The following TRPM3 variants were observed in gnomAD, a reference collection of about 807,000 sequenced individuals.
The protein encoded by TRPM3 is long transient receptor potential channel 3.
A neutral mutation model predicts 181.2 loss-of-function variants in TRPM3; 77 were observed. That is an observed-to-expected ratio of 0.42 (90% CI 0.35 to 0.51). The LOEUF (loss-of-function observed/expected upper bound fraction) is 0.51. TRPM3 is among the 20% of genes least tolerant of loss of function. The pLI is 0.01. For missense variants in TRPM3, 1,759 were observed against 2,196.7 expected, an observed-to-expected ratio of 0.80 and a Z score of 3.98; for synonymous variants, 745 against 796.4, an observed-to-expected ratio of 0.94 and a Z score of 1.09.
intron 22 of TRPM3, among the ~76,000 whole-genome samples, chr9:70,572,307 A>G (rs564955537): frequency 6.6e-6 from 1 of 152,320 alleles, no homozygotes; most frequent in African/African-American, 2.4e-5. Flanking sequence ...CCTGTTCTGT[A>G]TATTCTTTAC....
intron 1 of TRPM3, among the ~76,000 whole-genome samples, chr9:71,416,257 G>A (rs988965156): frequency 6.6e-6 from 1 of 151,654 alleles, no homozygotes; most frequent in Non-Finnish European, 1.5e-5. Flanking sequence ...ACGTTAGTAT[G>A]TTTTTCCTTA....
At chr9:70,581,916 TTCCTTCCC>T (rs1331898895) in intron 22 of TRPM3, among the ~76,000 whole-genome samples, 1 of 140,014 alleles carries the variant, frequency 7.1e-6, no homozygotes, top group Non-Finnish European at 1.6e-5. Flanking sequence ...CCCTTCTTCA[TTCCTTCCC>T]TCCTTCCCTC....
At chr9:70,889,063 C>T (rs933723390) in intron 1 of TRPM3, among the ~76,000 whole-genome samples, 9 of 152,034 alleles carry the variant, frequency 5.9e-5, no homozygotes, top group East Asian at 5.8e-4. Context: ...GTTCAAAGCT[C>T]GGGAACTGGA....
intron 21 of TRPM3, among the ~76,000 whole-genome samples, chr9:70,594,640 C>T (rs1417010298): frequency 1.3e-5 from 2 of 152,152 alleles, no homozygotes; most frequent in African/African-American, 2.4e-5. Context: ...GATATGCAGG[C>T]TTTCCATGCT....
At chr9:70,752,043 TGTGTGTGCGCGC>T (rs767684333) in intron 8 of TRPM3, among the ~76,000 whole-genome samples, 40 of 112,152 alleles carry the variant, frequency 3.6e-4, no homozygotes, top group South Asian at 1.2e-3. Flanking sequence ...TGTGTGTGTG[TGTGTGTGCGCGC>T]GCGCGCGCAT....
chr9:71,001,048 C>T (rs961166631), intron 1 of TRPM3, among the ~76,000 whole-genome samples: 6 of 152,198 alleles, frequency 3.9e-5, no homozygotes, highest in Admixed American at 1.3e-4. Flanking sequence ...TCAGTACTAA[C>T]GAATTGTCTT....
At chr9:71,278,812 T>C (rs1410714847) in intron 1 of TRPM3, among the ~76,000 whole-genome samples, 1 of 152,038 alleles carries the variant, frequency 6.6e-6, no homozygotes, top group Non-Finnish European at 1.5e-5. Context: ...GAGATATCCA[T>C]ATGTAACACA....
chr9:71,185,088 AGT>A (rs1440751748), intron 1 of TRPM3, among the ~76,000 whole-genome samples: 1 of 152,058 alleles, frequency 6.6e-6, no homozygotes, highest in Non-Finnish European at 1.5e-5. Context: ...AGAGAAACCA[AGT>A]GTCTTTTCAA....
chr9:71,010,730 A>G (rs1386875791), intron 1 of TRPM3, among the ~76,000 whole-genome samples: 1 of 152,154 alleles, frequency 6.6e-6, no homozygotes. Flanking sequence ...TTCCACAAAA[A>G]ATTAAAAATA....
chr9:70,920,745 T>C (rs949320648), intron 1 of TRPM3, among the ~76,000 whole-genome samples: 4 of 152,206 alleles, frequency 2.6e-5, no homozygotes, highest in African/African-American at 7.2e-5. Flanking sequence ...CAAAAGAAGA[T>C]AGTACTTTAA....
intron 1 of TRPM3, among the ~76,000 whole-genome samples, chr9:71,311,466 T>G (rs1365789255): frequency 6.6e-6 from 1 of 152,122 alleles, no homozygotes; most frequent in Non-Finnish European, 1.5e-5. Context: ...CACATCAATA[T>G]AGTCAGCTGA....
chr9:70,967,403 A>C (rs199885117), intron 1 of TRPM3, among the ~76,000 whole-genome samples: 1 of 151,692 alleles, frequency 6.6e-6, no homozygotes, highest in Non-Finnish European at 1.5e-5. Flanking sequence ...TTTTTTTTTA[A>C]ATTTTTTAAA....
intron 1 of TRPM3, among the ~76,000 whole-genome samples, chr9:71,067,979 T>G (rs906815666): frequency 6.6e-6 from 1 of 152,186 alleles, no homozygotes; most frequent in Non-Finnish European, 1.5e-5. Flanking sequence ...GATGCAACAC[T>G]TTGTTCATGA....
chr9:71,329,505 G>A (rs1418325273), intron 1 of TRPM3, among the ~76,000 whole-genome samples: 1 of 152,182 alleles, frequency 6.6e-6, no homozygotes, highest in Non-Finnish European at 1.5e-5. Context: ...AGATGCTGCA[G>A]CAACTAAAGG....
At chr9:71,200,803 C>G (rs2078733210) in intron 1 of TRPM3, among the ~76,000 whole-genome samples, 1 of 152,032 alleles carries the variant, frequency 6.6e-6, no homozygotes, top group African/African-American at 2.4e-5. Flanking sequence ...ATACAGCACA[C>G]TGATGGGTCT....
chr9:71,143,692 T>G (rs541579320), intron 1 of TRPM3, among the ~76,000 whole-genome samples: 22 of 152,312 alleles, frequency 1.4e-4, no homozygotes, highest in African/African-American at 5.3e-4. Context: ...TATATCCCTT[T>G]GGGTATATAC....
chr9:71,401,966 A>T (rs570299113), intron 1 of TRPM3, among the ~76,000 whole-genome samples: 2 of 152,344 alleles, frequency 1.3e-5, no homozygotes, highest in South Asian at 4.1e-4. Flanking sequence ...AGACAGTTCT[A>T]AAAAGGCATA....
rs917996705 is a variant in TRPM3, at chr9:71,183,490, C to A, written c.183+263163G>T. On this transcript the variant is annotated intron_variant, in intron 1 of 24. Coordinates refer to the TRPM3 transcript ENST00000357533. ...GTTATTACAATTATTGGCTGCTTCT[C>A]CTGCAAATCACCCTGACAACAGTCC... Among the ~76,000 whole-genome samples, 3 of 152,116 alleles carry A rather than the reference C, an allele frequency of 2.0e-5. No individual in the cohort carries two copies. The South Asian group carries it at 6.2e-4, about 32-fold the overall frequency.
At chr9:71,124,031 G>T (rs529980435), upstream of TRPM3, among the ~76,000 whole-genome samples, 1 of 152,214 alleles carries the variant, frequency 6.6e-6, no homozygotes, top group South Asian at 2.1e-4. Flanking sequence ...GAAGTAGGAG[G>T]ATTCACAGCC....
Sources: gnomAD v4.1 joint callset for allele counts (sites outside exome capture counted in the v4.1 genomes callset) on GRCh38, gnomAD v4.1.1 for gene constraint, MANE v1.5 for transcripts, NCBI Gene and HGNC (gene_info 2026-07-23, HGNC 2026-07-21) for gene names.